The following UBR2 variants were observed in gnomAD, a reference collection of about 807,000 sequenced individuals.
The protein encoded by UBR2 is ubiquitin protein ligase E3 component n-recognin 2.
UBR2 carries 92 observed loss-of-function variants against 247.9 expected under a neutral mutation model. The ratio of observed to expected loss-of-function variants is 0.37; its 90% CI spans 0.31 to 0.44. The LOEUF (loss-of-function observed/expected upper bound fraction) is 0.44. UBR2 is among the 20% of genes least tolerant of loss of function. The probability of loss-of-function intolerance (pLI) is 1.00; values close to 1 mark genes in which losing one functional copy is unlikely to be tolerated. For missense variants in UBR2, 1,613 were observed against 2,112.6 expected, an observed-to-expected ratio of 0.76 and a Z score of 4.64; for synonymous variants, 672 against 693.5, an observed-to-expected ratio of 0.97 and a Z score of 0.49.
At chr6:42,575,594 C>T (rs1791453741) in intron 2 of UBR2, among the ~76,000 whole-genome samples, 1 of 152,024 alleles carries the variant, frequency 6.6e-6, no homozygotes, top group Admixed American at 6.6e-5. Context: ...GATTACAGAC[C>T]AGTTATTTTG....
At chr6:42,674,534 C>T (rs935779908) in intron 38 of UBR2, among the ~76,000 whole-genome samples, 7 of 152,034 alleles carry the variant, frequency 4.6e-5, no homozygotes, top group Non-Finnish European at 1.5e-5. Context: ...GAGGCTCACC[C>T]CAGATCACTT....
In UBR2 at chr6:42,665,478, A is replaced by C. The variant is rs1292539202; in HGVS notation, c.3768A>C (p.Ala1256=). Residue 1256 remains alanine (A), a synonymous_variant, in exon 33 of 47, where the codon GCA becomes GCC. Coordinates refer to ENST00000372901, the MANE Select transcript of UBR2 (RefSeq NM_001363705.2). The part of the protein sequence containing the change: ...WIRTISQQIK[A]LQFLRKEEST... ...GAACAATATCTCAGCAAATAAAAGCATTACAGTTTCTTAGGAAAGAAGAAA... is the reference window on the plus strand; with the variant it reads ...GAACAATATCTCAGCAAATAAAAGCCTTACAGTTTCTTAGGAAAGAAGAAA... The C allele has an allele frequency of 6.2e-7, 1 of 1,612,978 alleles. No individual in the cohort carries two copies. Among genetic ancestry groups the C allele is most frequent in the Admixed American group, 1.7e-5 (1 of 59,912 alleles).
rs906793265 is a variant in UBR2, at chr6:42,689,089, A to G, written c.5025-480A>G. On this transcript the variant is annotated intron_variant, in intron 45 of 46. Coordinates refer to ENST00000372901, the MANE Select transcript of UBR2 (RefSeq NM_001363705.2). This position sits in a 1 kb window ranked among gnomAD's most constrained non-coding sequence, Gnocchi z 4.0. ...ATTCTGCACAGTTCCTGGGGTAGAA[A>G]TGTGCCTGTCTGCTCAAGGCAAGGA... Among the ~76,000 whole-genome samples the G allele has an allele frequency of 2.0e-5, 3 of 152,200 alleles. No homozygotes were observed. Among genetic ancestry groups the G allele is most frequent in the African/African-American group, 4.8e-5 (2 of 41,444 alleles).
At chr6:42,565,092 T>C (rs2151895278) in intron 1 of UBR2, among the ~76,000 whole-genome samples, 1 of 152,344 alleles carries the variant, frequency 6.6e-6, no homozygotes, top group East Asian at 1.9e-4. Flanking sequence ...ATAACGTTGA[T>C]AGAGCAGCTT....
chr6:42,602,870 G>A (rs1793476948), intron 4 of UBR2, among the ~76,000 whole-genome samples: 1 of 151,804 alleles, frequency 6.6e-6, no homozygotes, highest in Non-Finnish European at 1.5e-5. Context: ...ATGCTACTTA[G>A]CCATTAAACT....
Position 42,564,236 on chromosome 6 carries a change from G to A in UBR2, c.-84G>A. On this transcript the variant is annotated 5_prime_UTR_variant, in exon 1 of 47. Coordinates refer to ENST00000372901, the MANE Select transcript of UBR2 (RefSeq NM_001363705.2). Reference sequence around the variant, plus strand: ...GCTCCGGGACTGATTGCCTGGGGCAGGGGTGGCAGTCGAGGCCGCCGGGGC... The same window carrying A: ...GCTCCGGGACTGATTGCCTGGGGCAAGGGTGGCAGTCGAGGCCGCCGGGGC... 2 of 1,493,286 alleles carry A rather than the reference G, an allele frequency of 1.3e-6. No individual in the cohort carries two copies. The highest frequency in any genetic ancestry group is 1.8e-6 in the Non-Finnish European group (2 of 1,095,178). The allele number at this position is 1,493,286 out of a possible 1,614,324, so 92.5% of individuals were successfully genotyped here. A position where few individuals can be genotyped will look rare whatever the true frequency, so the allele number is the denominator to read the frequency against.
intron 13 of UBR2, among the ~76,000 whole-genome samples, chr6:42,635,172 A>C (rs74576143): frequency 6.6e-6 from 1 of 152,212 alleles, no homozygotes; most frequent in Non-Finnish European, 1.5e-5. Context: ...CCTAAAACAG[A>C]TCTTAGATGA....
intron 32 of UBR2, among the ~76,000 whole-genome samples, chr6:42,664,959 G>A (rs1798025202): frequency 6.6e-6 from 1 of 151,946 alleles, no homozygotes; most frequent in African/African-American, 2.4e-5. Flanking sequence ...TGTAAAATGG[G>A]GACAATAATA....
chr6:42,592,352 T>C, intron 3 of UBR2, 123 bp downstream of exon 3: 1 of 661,656 alleles, frequency 1.5e-6, no homozygotes, highest in Non-Finnish European at 2.3e-6. Flanking sequence ...AACAGTGTGT[T>C]TATTTAAATA....
At chr6:42,637,888 C>G (rs934788986) in intron 15 of UBR2, among the ~76,000 whole-genome samples, 2 of 152,142 alleles carry the variant, frequency 1.3e-5, no homozygotes, top group Non-Finnish European at 2.9e-5. Flanking sequence ...TCTTTTCTTG[C>G]TCGCACACTG....
chr6:42,566,477 G>A (rs919464676), intron 1 of UBR2, among the ~76,000 whole-genome samples: 1 of 151,962 alleles, frequency 6.6e-6, no homozygotes, highest in South Asian at 2.1e-4. Context: ...CTCCGCCTCC[G>A]GGGTTCAAGT....
chr6:42,692,340 A>G lies in UBR2; in HGVS notation c.*1167A>G, dbSNP rs540387156. ...CTGCTGCTTCCTTGCTGGCTCACTT[A>G]GTGCATTCCTGGGATGGTCTGGCAC... On this transcript the variant is annotated 3_prime_UTR_variant, in exon 47 of 47. Coordinates refer to ENST00000372901, the MANE Select transcript of UBR2 (RefSeq NM_001363705.2). 4 of 152,092 alleles carry G rather than the reference A, an allele frequency of 2.6e-5. No homozygotes were observed. Among genetic ancestry groups the G allele is most frequent in the Non-Finnish European group, 5.9e-5 (4 of 68,006 alleles). The allele number at this position is 152,092 out of a possible 1,614,324, so 9.4% of individuals were successfully genotyped here.
intron 6 of UBR2, among the ~76,000 whole-genome samples, chr6:42,606,386 A>G (rs1473458372): frequency 6.6e-6 from 1 of 152,252 alleles, no homozygotes; most frequent in Non-Finnish European, 1.5e-5. Flanking sequence ...GTTTTGTTCA[A>G]GGAAATATTT....
intron 2 of UBR2, among the ~76,000 whole-genome samples, chr6:42,580,168 T>G (rs960376300): frequency 2.6e-5 from 4 of 152,176 alleles, no homozygotes; most frequent in African/African-American, 9.6e-5. Flanking sequence ...TCATGGGGCC[T>G]TCAGTATAAT....
chr6:42,650,456 A>G (rs771279692), intron 23 of UBR2, 70 bp downstream of exon 23: 5 of 1,342,716 alleles, frequency 3.7e-6, no homozygotes, highest in Non-Finnish European at 4.2e-6. Context: ...AGGTTTCACC[A>G]TGTTGCCCAG....
chr6:42,674,804 A>G (rs913031467), intron 38 of UBR2, among the ~76,000 whole-genome samples: 1 of 148,820 alleles, frequency 6.7e-6, no homozygotes, highest in Non-Finnish European at 1.5e-5. Flanking sequence ...TGGCCCATAC[A>G]GTGCTTTTGT....
intron 7 of UBR2, among the ~76,000 whole-genome samples, chr6:42,611,245 G>A (rs1158633058): frequency 6.7e-6 from 1 of 150,228 alleles, no homozygotes; most frequent in African/African-American, 2.4e-5. Flanking sequence ...GGGGGATCAC[G>A]AGATCAAGAG....
rs1378722565 is a variant in UBR2 at position 42,642,432 on chromosome 6, A to G, written c.2048A>G (p.Asn683Ser). The G allele has an allele frequency of 6.2e-7, 1 of 1,608,904 alleles. No homozygotes were observed. Residue 683 changes from asparagine to serine, a missense_variant, in exon 18 of 47, where the codon AAT (asparagine) becomes AGT (serine). Transcript: ENST00000372901. ...TTTTTTTAGATTTATTACTACCATA[A>G]TGTGAAATGCAGACGTGAGATGTTT... is the stretch of plus-strand genomic sequence containing the variant. Reference protein sequence around the residue: ...SLVNQIYYYHNVKCRREMFDK... With the variant: ...SLVNQIYYYHSVKCRREMFDK...
chr6:42,622,545 G>A (rs1176825257), intron 11 of UBR2, among the ~76,000 whole-genome samples: 2 of 151,452 alleles, frequency 1.3e-5, no homozygotes, highest in Non-Finnish European at 2.9e-5. Flanking sequence ...GGGATTACAG[G>A]TGCGTGCCAC....
Sources: gnomAD v4.1 joint callset for allele counts (sites outside exome capture counted in the v4.1 genomes callset) on GRCh38, gnomAD v4.1.1 for gene constraint, Gnocchi (gnomAD v3.1) non-coding constraint, MANE v1.5 for transcripts, NCBI Gene and HGNC (gene_info 2026-07-23, HGNC 2026-07-21) for gene names.